FGF19: variants seen among roughly 807,000 people sequenced by gnomAD.
FGF19 encodes the protein fibroblast growth factor 19, also known as FGF-19.
In FGF19, 5 loss-of-function variants were observed where a neutral mutation model predicts 8.9. The observed-to-expected ratio is 0.56, with a 90% CI of 0.29 to 1.18. The LOEUF is 1.18. Ranked by LOEUF, FGF19 falls within the 50% of genes most tolerant of loss-of-function variation. The pLI is 0.08. For missense variants in FGF19, 237 were observed against 293.9 expected (o/e 0.81, Z 1.42); for synonymous variants, 124 against 128.0 (o/e 0.97, Z 0.21).
Position 69,703,228 on chromosome 11 carries a change from GC to G in FGF19, c.336+32del. The G allele has an allele frequency of 6.7e-7, 1 of 1,486,210 alleles. No homozygotes were observed. Among genetic ancestry groups the G allele is most frequent in the Non-Finnish European group, 9.2e-7 (1 of 1,087,990 alleles). 92.1% of individuals were successfully genotyped at this position (1,486,210 alleles called of 1,614,324 possible). A position where few individuals can be genotyped will look rare whatever the true frequency, so the allele number is the denominator to read the frequency against. Reference sequence around the variant, plus strand: ...GCCCGGGGACAGGCGCCGGTCCCCCGCCCCGGCGCATCCGCCCCGTGGGGAC... The same window carrying G: ...GCCCGGGGACAGGCGCCGGTCCCCCGCCCGGCGCATCCGCCCCGTGGGGAC... On this transcript the variant is annotated intron_variant, in intron 2 of 2. Coordinates refer to ENST00000294312, the MANE Select transcript of FGF19 (RefSeq NM_005117.3). This position sits in a 1 kb window ranked among gnomAD's most constrained non-coding sequence, Gnocchi z 6.8.
chr11:69,699,859 G>T (rs892071182), intron 2 of FGF19, among the ~76,000 whole-genome samples: 7 of 152,204 alleles, frequency 4.6e-5, no homozygotes, highest in African/African-American at 1.7e-4. Flanking sequence ...GCCCAGAGCA[G>T]ATGGATCACC....
At position 69,703,092 on chromosome 11, in the gene FGF19, T is replaced by G. The variant is rs1854794212; in HGVS notation, c.336+169A>C. Among the ~76,000 whole-genome samples the G allele has an allele frequency of 6.6e-6, 1 of 152,234 alleles. No individual in the cohort carries two copies. The highest frequency in any genetic ancestry group is 2.4e-5 in the African/African-American group (1 of 41,472). ...AATTTCCGTAGGAAATCGTCGGACATGCACTTAATCGGTCTTTGCAATCTT... is the reference window on the plus strand; with the variant it reads ...AATTTCCGTAGGAAATCGTCGGACAGGCACTTAATCGGTCTTTGCAATCTT... On this transcript the variant is annotated intron_variant, in intron 2 of 2. Coordinates refer to ENST00000294312, the MANE Select transcript of FGF19 (RefSeq NM_005117.3). This position sits in a 1 kb window ranked among gnomAD's most constrained non-coding sequence, Gnocchi z 6.8.
chr11:69,702,135 G>A lies in FGF19; in HGVS notation c.336+1126C>T, dbSNP rs1854779462. 1.3e-5 allele frequency among the ~76,000 whole-genome samples: 2 copies of A among 151,862 alleles called. No individual in the cohort carries two copies. Among genetic ancestry groups the A allele is most frequent in the East Asian group, 1.9e-4 (1 of 5,134 alleles). On this transcript the variant is annotated intron_variant, in intron 2 of 2. Transcript: ENST00000294312. The surrounding 1 kb of genome is among the most constrained non-coding windows in gnomAD (Gnocchi z 4.6). ...TGTCAAAATTAAAGTTGCAAGGGTG[G>A]GTTTGGAGCGGCTCTGGGTGGGAGT...
intron 2 of FGF19, among the ~76,000 whole-genome samples, chr11:69,699,960 G>A (rs777049484): frequency 2.0e-4 from 31 of 151,838 alleles, no homozygotes; most frequent in South Asian, 6.2e-4. Context: ...GGAGGTGGGC[G>A]CCTGTAGGCC....
rs1854730168 is a variant in FGF19 at position 69,698,413 on chromosome 11, C to T, written c.*849G>A. The T allele has an allele frequency of 5.3e-6, 1 of 187,056 alleles. No homozygotes were observed. The highest frequency in any genetic ancestry group is 1.9e-4 in the South Asian group (1 of 5,134). The allele number at this position is 187,056 out of a possible 1,614,324, so 11.6% of individuals were successfully genotyped here. On this transcript the variant is annotated 3_prime_UTR_variant, in exon 3 of 3. Transcript: ENST00000294312. ...AAGGGTTCTAGGTCTTCCCCCGCTG[C>T]TTCCACACAGCAAGTTATTGACAAG... is the stretch of plus-strand genomic sequence containing the variant.
chr11:69,699,635 A>G, intron 2 of FGF19, 59 bp from the exon 3 acceptor site: 1 of 1,385,050 alleles, frequency 7.2e-7, no homozygotes, highest in South Asian at 1.4e-5. Flanking sequence ...ACGGGTCCAC[A>G]TGGACGTTTG....
chr11:69,703,684 C>G lies in FGF19; in HGVS notation c.193G>C (p.Asp65His). 8.1e-7 allele frequency: 1 copy of G among 1,232,530 alleles called. No individual in the cohort carries two copies. The highest frequency in any genetic ancestry group is 1.0e-6 in the Non-Finnish European group (1 of 988,410). 76.3% of individuals were successfully genotyped at this position (1,232,530 alleles called of 1,614,324 possible). The change falls in exon 1 of 3, where the codon GAC becomes CAC. Residue 65 changes from aspartate (D) to histidine (H), a missense_variant. Transcript: ENST00000294312. The surrounding 1 kb of genome is among the most constrained non-coding windows in gnomAD (Gnocchi z 6.8). ...CCCCGCGCGCAGTCCACGACGCCGT[C>G]GGCACGGATGCGCAGGAAGCAGCTG... ...LSSCFLRIRA[D>H]GVVDCARGQS...
At chr11:69,700,480 G>A (rs1042358394) in intron 2 of FGF19, among the ~76,000 whole-genome samples, 1 of 152,058 alleles carries the variant, frequency 6.6e-6, no homozygotes, top group African/African-American at 2.4e-5. Context: ...ATAACTCCTG[G>A]CATTTAAAAA....
chr11:69,703,947 C>A lies in FGF19; in HGVS notation c.-71G>T, dbSNP rs1854810450. 8.6e-6 allele frequency: 8 copies of A among 931,804 alleles called. No homozygotes were observed. The highest frequency in any genetic ancestry group is 1.1e-5 in the Non-Finnish European group (8 of 710,412). 57.7% of individuals were successfully genotyped at this position (931,804 alleles called of 1,614,324 possible). On this transcript the variant is annotated 5_prime_UTR_variant, in exon 1 of 3. Transcript: ENST00000294312. This position sits in a 1 kb window ranked among gnomAD's most constrained non-coding sequence, Gnocchi z 6.8. ...GGGAGGCTGGGCGGCGACCGGGATG[C>A]GCTGCGGGGCTGTGAGTGCCGGGTT...
chr11:69,703,227 C>A lies in FGF19; in HGVS notation c.336+34G>T. Reference sequence around the variant, plus strand: ...CGCCCGGGGACAGGCGCCGGTCCCCCGCCCCGGCGCATCCGCCCCGTGGGG... The same window carrying A: ...CGCCCGGGGACAGGCGCCGGTCCCCAGCCCCGGCGCATCCGCCCCGTGGGG... On this transcript the variant is annotated intron_variant, in intron 2 of 2. Transcript: ENST00000294312. The surrounding 1 kb of genome is among the most constrained non-coding windows in gnomAD (Gnocchi z 6.8). 1.4e-6 allele frequency: 2 copies of A among 1,464,594 alleles called. No individual in the cohort carries two copies. The highest frequency in any genetic ancestry group is 1.2e-5 in the South Asian group (1 of 82,000). 90.7% of individuals were successfully genotyped at this position (1,464,594 alleles called of 1,614,324 possible). A position where few individuals can be genotyped will look rare whatever the true frequency, so the allele number is the denominator to read the frequency against.
At chr11:69,701,152 A>C (rs1050571814) in intron 2 of FGF19, among the ~76,000 whole-genome samples, 8 of 152,248 alleles carry the variant, frequency 5.3e-5, no homozygotes, top group Admixed American at 3.9e-4. Context: ...CCAAACTCCC[A>C]AAAATGCCAA....
rs551425738 is a variant in FGF19 at position 69,702,238 on chromosome 11, G to T, written c.336+1023C>A. Among the ~76,000 whole-genome samples, 37 of 152,276 alleles carry T rather than the reference G, an allele frequency of 2.4e-4. No homozygotes were observed. Among genetic ancestry groups the T allele is most frequent in the African/African-American group, 7.7e-4 (32 of 41,556 alleles). ...CTCCGCCATAAAACCTGAAACAGGCGCTCCGAGTACACGGAGCACGGCAGA... is the reference window on the plus strand; with the variant it reads ...CTCCGCCATAAAACCTGAAACAGGCTCTCCGAGTACACGGAGCACGGCAGA... On this transcript the variant is annotated intron_variant, in intron 2 of 2. Coordinates refer to ENST00000294312, the MANE Select transcript of FGF19 (RefSeq NM_005117.3). The surrounding 1 kb of genome is among the most constrained non-coding windows in gnomAD (Gnocchi z 4.6).
chr11:69,701,789 G>A (rs986332324), intron 2 of FGF19, among the ~76,000 whole-genome samples: 1 of 151,578 alleles, frequency 6.6e-6, no homozygotes, highest in Non-Finnish European at 1.5e-5. Flanking sequence ...CCAACATGGT[G>A]AAACCCCATC....
intron 2 of FGF19, among the ~76,000 whole-genome samples, chr11:69,700,821 A>C (rs1240664383): frequency 6.6e-6 from 1 of 152,198 alleles, no homozygotes; most frequent in Non-Finnish European, 1.5e-5. Flanking sequence ...ATGTGTGCTG[A>C]GGGAAGCCTT....
chr11:69,699,199 G>A lies in FGF19; in HGVS notation c.*63C>T, dbSNP rs898180930. 3.4e-5 allele frequency: 41 copies of A among 1,206,262 alleles called. No individual in the cohort carries two copies. In the Middle Eastern group the frequency reaches 1.4e-3, roughly 42 times the overall value. The allele number at this position is 1,206,262 out of a possible 1,614,324, so 74.7% of individuals were successfully genotyped here. A position where few individuals can be genotyped will look rare whatever the true frequency, so the allele number is the denominator to read the frequency against. On this transcript the variant is annotated 3_prime_UTR_variant, in exon 3 of 3. Coordinates refer to ENST00000294312, the MANE Select transcript of FGF19 (RefSeq NM_005117.3). ...CTCAGGACTGTTCTTGTAGAAGCAC[G>A]TCCCCCACGCTGCAGGTACCACAGC...
rs1329298757 is a variant in FGF19, at chr11:69,702,600, G to A, written c.336+661C>T. Among the ~76,000 whole-genome samples, 1 of 151,860 alleles carries A rather than the reference G, an allele frequency of 6.6e-6. No individual in the cohort carries two copies. Among genetic ancestry groups the A allele is most frequent in the Non-Finnish European group, 1.5e-5 (1 of 67,948 alleles). ...CTCTGCGGTTACCTGGGCCTTCCCT[G>A]CCAGCCCCCACCCCCTGCCCCCACC... On this transcript the variant is annotated intron_variant, in intron 2 of 2. Transcript: ENST00000294312. The surrounding 1 kb of genome is among the most constrained non-coding windows in gnomAD (Gnocchi z 4.6).
chr11:69,700,802 T>C (rs1854760694), intron 2 of FGF19, among the ~76,000 whole-genome samples: 1 of 152,088 alleles, frequency 6.6e-6, no homozygotes, highest in Non-Finnish European at 1.5e-5. Flanking sequence ...GCCCAGCTGG[T>C]GGCCGGAAAT....
chr11:69,701,259 A>G, intron 2 of FGF19, among the ~76,000 whole-genome samples: 1 of 152,362 alleles, frequency 6.6e-6, no homozygotes, highest in Admixed American at 6.5e-5. Flanking sequence ...CACTTTCTCC[A>G]TACAGAAAAC....
Position 69,703,847 on chromosome 11 carries a change from T to C in FGF19, c.30A>G (p.Val10=), listed in dbSNP as rs1030129842. 5.6e-6 allele frequency: 7 copies of C among 1,242,532 alleles called. No individual in the cohort carries two copies. The highest frequency in any genetic ancestry group is 7.0e-6 in the Non-Finnish European group (7 of 993,728). The allele number at this position is 1,242,532 out of a possible 1,614,324, so 77.0% of individuals were successfully genotyped here. ...CCAGCCAGAGGCCGGCCAGGATCCATACGTGGACCACCACACACCCGCTCC... is the reference window on the plus strand; with the variant it reads ...CCAGCCAGAGGCCGGCCAGGATCCACACGTGGACCACCACACACCCGCTCC... MRSGCVVVH[V]WILAGLWLAV... The change falls in exon 1 of 3, where the codon GTA becomes GTG. Residue 10 remains valine (V), a synonymous_variant. Coordinates refer to ENST00000294312, the MANE Select transcript of FGF19 (RefSeq NM_005117.3). This position sits in a 1 kb window ranked among gnomAD's most constrained non-coding sequence, Gnocchi z 6.8.
Sources: gnomAD v4.1 joint callset for allele counts (sites outside exome capture counted in the v4.1 genomes callset) on GRCh38, gnomAD v4.1.1 for gene constraint, Gnocchi (gnomAD v3.1) non-coding constraint, MANE v1.5 for transcripts, NCBI Gene and HGNC (gene_info 2026-07-23, HGNC 2026-07-21) for gene names.